WIPI2: variants seen among roughly 807,000 people sequenced by gnomAD.
WIPI2 encodes WD repeat domain, phosphoinositide interacting 2.
In WIPI2, 28 loss-of-function variants were observed where a neutral mutation model predicts 52.3. That is an observed-to-expected ratio of 0.54 (90% CI 0.40 to 0.73). WIPI2 has a LOEUF of 0.73. WIPI2 is among the 30% of genes least tolerant of loss of function. The pLI is 0.00. For synonymous variants in WIPI2, 268 were observed against 245.0 expected, an observed-to-expected ratio of 1.09 and a Z score of -0.88; for missense variants, 506 against 602.9, an observed-to-expected ratio of 0.84 and a Z score of 1.68.
intron 2 of WIPI2, among the ~76,000 whole-genome samples, chr7:5,198,318 C>CT (rs35887906): frequency 0.13 from 18,825 of 144,586 alleles, 1,274 homozygotes; most frequent in East Asian, 0.3. Context: ...ACTTACTTAA[C>CT]TTTTTTTTTT....
chr7:5,227,393 A>C lies in WIPI2; in HGVS notation c.1013+49A>C, dbSNP rs1284794564. On this transcript the variant is annotated intron_variant, in intron 10 of 12. Transcript: ENST00000288828. The surrounding 1 kb of genome is among the most constrained non-coding windows in gnomAD (Gnocchi z 8.1). ...CCCCCACCCCGTGTGCCTCAGGCCGAGGGGCCCAGTCCTGGCGGCTTGTGG... is the reference window on the plus strand; with the variant it reads ...CCCCCACCCCGTGTGCCTCAGGCCGCGGGGCCCAGTCCTGGCGGCTTGTGG... 1 of 1,597,974 alleles carries C rather than the reference A, an allele frequency of 6.3e-7. No individual in the cohort carries two copies. Among genetic ancestry groups the C allele is most frequent in the African/African-American group, 1.3e-5 (1 of 74,878 alleles).
intron 1 of WIPI2, among the ~76,000 whole-genome samples, chr7:5,191,424 A>G (rs557167927): frequency 1.3e-5 from 2 of 152,310 alleles, no homozygotes; most frequent in East Asian, 3.9e-4. Flanking sequence ...AACTGAGCCA[A>G]GAGAGGCGTT....
rs1783818987 is a variant in WIPI2 at position 5,233,340 on chromosome 7, CTGAGT to C, written c.*2396_*2400del. The C allele has an allele frequency of 6.6e-6, 1 of 152,250 alleles. No individual in the cohort carries two copies. The highest frequency in any genetic ancestry group is 2.4e-5 in the African/African-American group (1 of 41,444). 9.4% of individuals were successfully genotyped at this position (152,250 alleles called of 1,614,324 possible). ...GAGTGACGGGGACAGAGGGAGGCCGCTGAGTTGCCCGTTAGAACTCTTACTGCTGC... is the reference window on the plus strand; with the variant it reads ...GAGTGACGGGGACAGAGGGAGGCCGCTGCCCGTTAGAACTCTTACTGCTGC... On this transcript the variant is annotated 3_prime_UTR_variant, in exon 13 of 13. Coordinates refer to ENST00000288828, the MANE Select transcript of WIPI2 (RefSeq NM_015610.4).
chr7:5,224,596 T>A (rs1322518731), intron 8 of WIPI2, among the ~76,000 whole-genome samples: 1 of 152,164 alleles, frequency 6.6e-6, no homozygotes, highest in African/African-American at 2.4e-5. Flanking sequence ...GAGAAGCCAG[T>A]GAGCCAGGAG....
At chr7:5,214,509 G>T in intron 3 of WIPI2, 26 bp from the exon 4 acceptor site, 1 of 1,614,192 alleles carries the variant, frequency 6.2e-7, no homozygotes, top group Non-Finnish European at 8.5e-7. Flanking sequence ...AGATGTTCAC[G>T]CATGTACTTC....
intron 3 of WIPI2, among the ~76,000 whole-genome samples, chr7:5,206,952 A>G (rs1382535804): frequency 6.6e-6 from 1 of 151,832 alleles, no homozygotes; most frequent in African/African-American, 2.4e-5. Context: ...TAATTTTTCG[A>G]TTTTTTTGTA....
chr7:5,202,857 T>A (rs1782097988), intron 3 of WIPI2, among the ~76,000 whole-genome samples: 1 of 152,216 alleles, frequency 6.6e-6, no homozygotes, highest in South Asian at 2.1e-4. Context: ...CCTACACTGT[T>A]AGGCAAAATA....
intron 7 of WIPI2, chr7:5,218,249 T>C (rs979823984): frequency 6.4e-6 from 3 of 470,376 alleles, no homozygotes; most frequent in African/African-American, 2.0e-5. Flanking sequence ...AATACAGAAA[T>C]GTCCAGAGGA....
chr7:5,214,729 G>C, intron 4 of WIPI2, 25 bp downstream of exon 4: 1 of 1,611,662 alleles, frequency 6.2e-7, no homozygotes, highest in Non-Finnish European at 8.5e-7. Flanking sequence ...AGCTGGGTGT[G>C]GGCTTGTCTG....
intron 8 of WIPI2, among the ~76,000 whole-genome samples, chr7:5,224,382 G>T (rs1783316272): frequency 6.6e-6 from 1 of 152,172 alleles, no homozygotes; most frequent in Non-Finnish European, 1.5e-5. Flanking sequence ...TCCTTTGCCT[G>T]TGGCAAATGG....
At chr7:5,225,709 C>G in intron 8 of WIPI2, 114 bp from the exon 9 acceptor site, 1 of 684,296 alleles carries the variant, frequency 1.5e-6, no homozygotes, top group Admixed American at 2.6e-5. Flanking sequence ...GGGAATAAAA[C>G]TTACCAGCAG....
At chr7:5,213,154 A>C (rs1562396234) in intron 3 of WIPI2, 2 of 151,734 alleles carry the variant, frequency 1.3e-5, no homozygotes, top group Non-Finnish European at 3.0e-5. Flanking sequence ...TGCTGAGCAG[A>C]GAAGCTGCAG....
At chr7:5,223,815 C>G (rs1783274463) in intron 8 of WIPI2, among the ~76,000 whole-genome samples, 1 of 152,204 alleles carries the variant, frequency 6.6e-6, no homozygotes, top group Non-Finnish European at 1.5e-5. Context: ...CCCGCCAGCA[C>G]CCTGGCACCC....
chr7:5,205,110 G>A (rs963711832), intron 3 of WIPI2, among the ~76,000 whole-genome samples: 11 of 152,112 alleles, frequency 7.2e-5, no homozygotes, highest in African/African-American at 2.7e-4. Context: ...CAAGGAGCTG[G>A]GATTAGAGGC....
intron 3 of WIPI2, chr7:5,214,229 C>G (rs1782699976): frequency 3.1e-6 from 4 of 1,304,312 alleles, no homozygotes; most frequent in Middle Eastern, 3.1e-4. Flanking sequence ...TTCACTTTAC[C>G]TAGGAGTTTG....
At chr7:5,198,792 G>A (rs888133651) in intron 2 of WIPI2, among the ~76,000 whole-genome samples, 1 of 152,070 alleles carries the variant, frequency 6.6e-6, no homozygotes, top group Non-Finnish European at 1.5e-5. Flanking sequence ...CCACTTTATT[G>A]TGGTGTAATT....
At chr7:5,228,044 T>G in intron 10 of WIPI2, 60 bp from the exon 11 acceptor site, 3 of 1,534,806 alleles carry the variant, frequency 2.0e-6, no homozygotes, top group Non-Finnish European at 2.7e-6. Context: ...GAGGCCGCCA[T>G]GTAGTAAGAC....
intron 3 of WIPI2, among the ~76,000 whole-genome samples, chr7:5,201,426 T>C (rs935845973): frequency 2.6e-5 from 4 of 152,186 alleles, no homozygotes; most frequent in Non-Finnish European, 2.9e-5. Flanking sequence ...TGGAACAAAA[T>C]GGGATGTCTT....
At chr7:5,220,622 C>T (rs980268177) in intron 7 of WIPI2, among the ~76,000 whole-genome samples, 5 of 151,730 alleles carry the variant, frequency 3.3e-5, no homozygotes, top group East Asian at 1.9e-4. Context: ...ACAACAGGAA[C>T]GAATCATCAG....
Sources: allele counts gnomAD v4.1 joint callset (sites outside exome capture counted in the v4.1 genomes callset), GRCh38; gene constraint gnomAD v4.1.1; non-coding constraint Gnocchi (gnomAD v3.1); transcripts MANE v1.5; gene names NCBI Gene and HGNC (gene_info 2026-07-23, HGNC 2026-07-21).